The following EYS variants were observed in gnomAD, a reference collection of about 807,000 sequenced individuals.
The protein encoded by EYS is protein eyes shut homolog.
EYS carries 250 observed loss-of-function variants against 282.1 expected under a neutral mutation model. That is an observed-to-expected ratio of 0.89 (90% CI 0.80 to 0.98). The LOEUF (loss-of-function observed/expected upper bound fraction) is 0.98, where lower values mean the gene tolerates loss of function less well. Ranked by LOEUF, EYS falls within the 50% of genes least tolerant of loss-of-function variation. The pLI is 0.00. For synonymous variants in EYS, 1,355 were observed against 1,282.9 expected (o/e 1.06, Z -1.20); for missense variants, 4,016 against 3,709.0 (o/e 1.08, Z -2.15).
intron 1 of EYS, among the ~76,000 whole-genome samples, chr6:65,663,825 C>A (rs1431284922): frequency 6.7e-6 from 1 of 148,162 alleles, no homozygotes; most frequent in Non-Finnish European, 1.5e-5. Context: ...GGACTACGGG[C>A]GCCCGCCACC....
chr6:64,755,650 T>C (rs1772913584), intron 22 of EYS, among the ~76,000 whole-genome samples: 1 of 151,932 alleles, frequency 6.6e-6, no homozygotes, highest in Non-Finnish European at 1.5e-5. Flanking sequence ...AAACAGAATG[T>C]CAAATACTGC....
intron 34 of EYS, among the ~76,000 whole-genome samples, chr6:63,987,741 T>C (rs924330673): frequency 5.3e-5 from 8 of 151,622 alleles, no homozygotes; most frequent in Non-Finnish European, 1.5e-5. Context: ...AATGGAATAC[T>C]GTCATTGCCA....
chr6:65,169,893 A>G (rs1278224324), intron 12 of EYS, among the ~76,000 whole-genome samples: 1 of 151,554 alleles, frequency 6.6e-6, no homozygotes, highest in Non-Finnish European at 1.5e-5. Context: ...AAGAGATTCA[A>G]TGAAACACAC....
At chr6:65,592,188 C>T (rs1030294531) in intron 2 of EYS, among the ~76,000 whole-genome samples, 1 of 151,810 alleles carries the variant, frequency 6.6e-6, no homozygotes, top group Non-Finnish European at 1.5e-5. Flanking sequence ...AAAAAATGAA[C>T]ATTTTCATAA....
intron 16 of EYS, among the ~76,000 whole-genome samples, chr6:64,905,585 A>G (rs925404132): frequency 2.6e-5 from 4 of 152,192 alleles, no homozygotes; most frequent in Admixed American, 2.6e-4. Context: ...TCGTTCCTCC[A>G]AAATACACAA....
chr6:65,674,765 G>A (rs1378877520), intron 1 of EYS, among the ~76,000 whole-genome samples: 1 of 151,722 alleles, frequency 6.6e-6, no homozygotes, highest in Non-Finnish European at 1.5e-5. Context: ...AAGAATGCTA[G>A]ATAGCAACAA....
intron 14 of EYS, among the ~76,000 whole-genome samples, chr6:64,952,787 T>C (rs1769557710): frequency 6.6e-6 from 1 of 152,060 alleles, no homozygotes. Context: ...GTGCTTATTG[T>C]ATTTAAAAAT....
At chr6:64,882,129 C>T (rs1372524163) in intron 19 of EYS, among the ~76,000 whole-genome samples, 1 of 151,658 alleles carries the variant, frequency 6.6e-6, no homozygotes, top group Non-Finnish European at 1.5e-5. Flanking sequence ...AGAACATGGA[C>T]ATCAAGAGTC....
intron 16 of EYS, among the ~76,000 whole-genome samples, chr6:64,911,781 T>C (rs1328521136): frequency 6.6e-6 from 1 of 152,134 alleles, no homozygotes; most frequent in African/African-American, 2.4e-5. Flanking sequence ...GAGTAGCCAT[T>C]GATACATGAA....
chr6:65,074,416 G>C (rs917307890), intron 12 of EYS, among the ~76,000 whole-genome samples: 1 of 152,018 alleles, frequency 6.6e-6, no homozygotes, highest in East Asian at 1.9e-4. Context: ...TCTACTCAAG[G>C]TCTCGGTGAG....
At chr6:65,531,132 C>T (rs1767753633) in intron 2 of EYS, among the ~76,000 whole-genome samples, 1 of 152,020 alleles carries the variant, frequency 6.6e-6, no homozygotes, top group Non-Finnish European at 1.5e-5. Flanking sequence ...TTTTAAAACT[C>T]TTTGATCCAT....
intron 26 of EYS, among the ~76,000 whole-genome samples, chr6:64,455,654 T>A (rs1007904804): frequency 6.6e-6 from 1 of 152,076 alleles, no homozygotes; most frequent in Non-Finnish European, 1.5e-5. Context: ...CTTCCCTGTG[T>A]CTATGTGTTC....
intron 26 of EYS, among the ~76,000 whole-genome samples, chr6:64,505,199 A>G (rs191171321): frequency 5.7e-4 from 87 of 152,260 alleles, no homozygotes; most frequent in Non-Finnish European, 5.9e-5. Context: ...CATTCCCATA[A>G]CTTTTTCCTT....
At chr6:64,612,269 A>T (rs1767137297) in intron 24 of EYS, among the ~76,000 whole-genome samples, 1 of 152,148 alleles carries the variant, frequency 6.6e-6, no homozygotes, top group Non-Finnish European at 1.5e-5. Flanking sequence ...TAAGGGCTGT[A>T]ATTAACACTT....
chr6:65,049,429 C>A (rs1343684932), intron 13 of EYS, among the ~76,000 whole-genome samples: 34 of 151,692 alleles, frequency 2.2e-4, no homozygotes, highest in Non-Finnish European at 1.5e-5. Context: ...ATATATACTT[C>A]TTTCAATTTA....
At position 63,960,658 on chromosome 6, in the gene EYS, GGTT is replaced by G. The variant is rs1248002998; in HGVS notation, c.7055+23722_7055+23724del. 4.5e-4 allele frequency among the ~76,000 whole-genome samples: 69 copies of G among 152,262 alleles called. 1 individual carries two copies. Among genetic ancestry groups the G allele is most frequent in the African/African-American group, 1.6e-3 (68 of 41,554 alleles). On this transcript the variant is annotated intron_variant, in intron 35 of 42. Transcript: ENST00000503581. ...TCTAACCTTCAGTGACCACTACTCT[GGTT>G]AGTCAGCAGTGATCAATATCAAGGA...
chr6:63,886,964 T>C (rs1220262443), intron 35 of EYS, among the ~76,000 whole-genome samples: 1 of 152,200 alleles, frequency 6.6e-6, no homozygotes, highest in Non-Finnish European at 1.5e-5. Flanking sequence ...TTTTTGCTAA[T>C]GGAATATAAT....
intron 12 of EYS, among the ~76,000 whole-genome samples, chr6:65,109,694 C>T (rs6934855): frequency 0.45 from 68,307 of 150,958 alleles, 16,049 homozygotes; most frequent in African/African-American, 0.53. Context: ...ATGTGTGTCC[C>T]TGTCACAACT....
intron 30 of EYS, among the ~76,000 whole-genome samples, chr6:64,266,601 C>G (rs1192284454): frequency 6.6e-6 from 1 of 152,072 alleles, no homozygotes; most frequent in East Asian, 1.9e-4. Context: ...AAAGACAAGT[C>G]AGTTAAGGAC....
Sources: allele counts gnomAD v4.1 joint callset (sites outside exome capture counted in the v4.1 genomes callset), GRCh38; gene constraint gnomAD v4.1.1; transcripts MANE v1.5; gene names NCBI Gene and HGNC (gene_info 2026-07-23, HGNC 2026-07-21).